The following CSMD1 variants were observed in gnomAD, a reference collection of about 807,000 sequenced individuals.
The protein encoded by CSMD1 is CUB and Sushi multiple domains 1, also known as CUB and sushi domain-containing protein 1.
A neutral mutation model predicts 417.5 loss-of-function variants in CSMD1; 213 were observed. The ratio of observed to expected loss-of-function variants is 0.51; its 90% CI spans 0.46 to 0.57. The LOEUF is 0.57. CSMD1 is among the 20% of genes least tolerant of loss of function. The pLI, the probability that CSMD1 is intolerant of heterozygous loss-of-function variation, is 0.00. For synonymous variants in CSMD1, 2,862 were observed against 1,736.8 expected (o/e 1.65, Z -16.11); for missense variants, 6,923 against 4,529.7 (o/e 1.53, Z -15.17).
At chr8:4,676,477 A>G (rs1457556041) in intron 1 of CSMD1, among the ~76,000 whole-genome samples, 2 of 151,872 alleles carry the variant, frequency 1.3e-5, no homozygotes, top group East Asian at 1.9e-4. Flanking sequence ...CTCTCCTTCA[A>G]CTTATCACAG....
intron 1 of CSMD1, among the ~76,000 whole-genome samples, chr8:4,662,733 A>G (rs1022926918): frequency 6.6e-6 from 1 of 152,186 alleles, no homozygotes; most frequent in Non-Finnish European, 1.5e-5. Flanking sequence ...TTCGTCACAT[A>G]CACCTCCTGC....
At chr8:4,201,454 C>T (rs890490606) in intron 3 of CSMD1, among the ~76,000 whole-genome samples, 2 of 137,494 alleles carry the variant, frequency 1.5e-5, no homozygotes, top group African/African-American at 5.4e-5. Context: ...AGGAGAATGG[C>T]ATGAACACGG....
intron 5 of CSMD1, among the ~76,000 whole-genome samples, chr8:3,936,079 G>A (rs940084495): frequency 1.3e-5 from 2 of 152,050 alleles, no homozygotes; most frequent in South Asian, 2.1e-4. Flanking sequence ...CAAAGCAGCC[G>A]CAAAATTTTC....
intron 3 of CSMD1, among the ~76,000 whole-genome samples, chr8:4,083,694 G>A (rs556176423): frequency 6.6e-6 from 1 of 152,128 alleles, no homozygotes; most frequent in Non-Finnish European, 1.5e-5. Context: ...ATCAATTCAA[G>A]ATGGATTAAA....
At chr8:3,318,644 G>C (rs983275023) in intron 23 of CSMD1, among the ~76,000 whole-genome samples, 4 of 152,192 alleles carry the variant, frequency 2.6e-5, no homozygotes, top group African/African-American at 4.8e-5. Flanking sequence ...TTGGGACTCA[G>C]AGTTTAATTG....
intron 1 of CSMD1, among the ~76,000 whole-genome samples, chr8:4,956,047 T>TG (rs1809087955): frequency 6.6e-6 from 1 of 152,226 alleles, no homozygotes; most frequent in South Asian, 2.1e-4. Flanking sequence ...AAAGACCACT[T>TG]GCTCCTATCC....
Position 3,078,413 on chromosome 8 carries a change from T to C in CSMD1, c.7474+8684A>G, listed in dbSNP as rs878904281. On this transcript the variant is annotated intron_variant, in intron 49 of 69. Coordinates refer to ENST00000635120, the MANE Select transcript of CSMD1 (RefSeq NM_033225.6). ...AATAAACATGCTGGATTTTAGCACA[T>C]GGTAGAGCAAAATTACATGTCTTCA... Among the ~76,000 whole-genome samples the C allele has an allele frequency of 5.3e-5, 8 of 152,210 alleles. 1 individual carries two copies. Among genetic ancestry groups the C allele is most frequent in the Admixed American group, 2.0e-4 (3 of 15,282 alleles).
intron 1 of CSMD1, among the ~76,000 whole-genome samples, chr8:4,792,689 A>G (rs1215996722): frequency 6.6e-6 from 1 of 152,170 alleles, no homozygotes; most frequent in Non-Finnish European, 1.5e-5. Context: ...TGGGTCCAGA[A>G]CCAAAAGGAA....
intron 6 of CSMD1, among the ~76,000 whole-genome samples, chr8:3,726,286 T>C (rs1027238763): frequency 6.6e-6 from 1 of 152,172 alleles, no homozygotes; most frequent in Non-Finnish European, 1.5e-5. Flanking sequence ...TCGTCTCCCT[T>C]AAAAAATACG....
intron 40 of CSMD1, among the ~76,000 whole-genome samples, chr8:3,145,760 T>C (rs985211483): frequency 3.9e-5 from 6 of 152,242 alleles, no homozygotes; most frequent in Non-Finnish European, 7.3e-5. Flanking sequence ...TATCCTTCTA[T>C]TGTCTCAGAG....
chr8:3,421,589 C>G lies in CSMD1; in HGVS notation c.1562-11984G>C, dbSNP rs972855606. On this transcript the variant is annotated intron_variant, in intron 12 of 69. Coordinates refer to ENST00000635120, the MANE Select transcript of CSMD1 (RefSeq NM_033225.6). ...TTAGCCTGTTTGATTATGTGTTAAA[C>G]CCCAAGATAAAAAAAATCCCCAGAT... 2.0e-5 allele frequency among the ~76,000 whole-genome samples: 3 copies of G among 152,136 alleles called. No individual in the cohort carries two copies. The South Asian group carries it at 6.2e-4, about 31-fold the overall frequency.
At chr8:4,442,116 C>G (rs1798518535) in intron 2 of CSMD1, among the ~76,000 whole-genome samples, 1 of 152,086 alleles carries the variant, frequency 6.6e-6, no homozygotes, top group African/African-American at 2.4e-5. Flanking sequence ...TTATCTCCTC[C>G]CACTCTTATC....
intron 3 of CSMD1, among the ~76,000 whole-genome samples, chr8:4,077,299 A>ATATATATATATATATATATATGGGTG (rs1799875955): frequency 1.5e-5 from 1 of 66,124 alleles, no homozygotes; most frequent in African/African-American, 4.2e-5. Flanking sequence ...ATATATGTGT[A>ATATATATATATATATATATATGGGTG]TATATATATA....
At chr8:3,324,804 T>A (rs1295637887) in intron 23 of CSMD1, among the ~76,000 whole-genome samples, 3 of 152,182 alleles carry the variant, frequency 2.0e-5, no homozygotes, top group African/African-American at 7.2e-5. Context: ...ATCTTGGCAT[T>A]TACTATTGAA....
intron 30 of CSMD1, among the ~76,000 whole-genome samples, chr8:3,213,206 T>G: frequency 6.6e-6 from 1 of 152,328 alleles, no homozygotes; most frequent in African/African-American, 2.4e-5. Flanking sequence ...AAAAACACAT[T>G]TGTTTCATAA....
chr8:4,122,054 T>G (rs1207835595), intron 3 of CSMD1, among the ~76,000 whole-genome samples: 2 of 152,156 alleles, frequency 1.3e-5, no homozygotes, highest in Non-Finnish European at 2.9e-5. Context: ...ACATGTTCCT[T>G]TTAAAATAAA....
rs897792099 is a variant in CSMD1, at chr8:4,331,387, G to A, written c.415+88566C>T. 2.4e-4 allele frequency among the ~76,000 whole-genome samples: 36 copies of A among 152,100 alleles called. 1 individual carries two copies. Among genetic ancestry groups the A allele is most frequent in the African/African-American group, 8.2e-4 (34 of 41,424 alleles). On this transcript the variant is annotated intron_variant, in intron 3 of 69. Coordinates refer to ENST00000635120, the MANE Select transcript of CSMD1 (RefSeq NM_033225.6). ...CTGTCACGTGTGTTTGTTGCGAGGT[G>A]TCTACAGTTTTTCATGGTTAGTTGT...
intron 3 of CSMD1, among the ~76,000 whole-genome samples, chr8:4,365,084 G>C (rs1475863281): frequency 6.6e-6 from 1 of 152,098 alleles, no homozygotes; most frequent in East Asian, 1.9e-4. Context: ...GTAATGGCAA[G>C]TTTACAAGAA....
chr8:3,436,461 G>C (rs371148399), intron 12 of CSMD1, among the ~76,000 whole-genome samples: 17 of 152,252 alleles, frequency 1.1e-4, no homozygotes, highest in Admixed American at 5.9e-4. Context: ...CCTCAAAATA[G>C]TGCCTGGCAC....
Sources: allele counts gnomAD v4.1 joint callset (sites outside exome capture counted in the v4.1 genomes callset), GRCh38; gene constraint gnomAD v4.1.1; transcripts MANE v1.5; gene names NCBI Gene and HGNC (gene_info 2026-07-23, HGNC 2026-07-21).